The following ERLIN2 variants were observed in gnomAD, a reference collection of about 807,000 sequenced individuals.
The protein encoded by ERLIN2 is ER lipid raft associated 2.
In ERLIN2, 22 loss-of-function variants were observed where a neutral mutation model predicts 41.5. That is an observed-to-expected ratio of 0.53 (90% confidence interval 0.38 to 0.76). The LOEUF is 0.76. Ranked by LOEUF, ERLIN2 falls within the 30% of genes least tolerant of loss-of-function variation. The probability of loss-of-function intolerance (pLI) is 0.00; values close to 1 mark genes in which losing one functional copy is unlikely to be tolerated. For missense variants in ERLIN2, 247 were observed against 414.3 expected (o/e 0.60, Z 3.51); for synonymous variants, 149 against 150.9 (o/e 0.99, Z 0.09).
Position 37,741,661 on chromosome 8 carries a change from G to T in ERLIN2, c.190-111G>T, listed in dbSNP as rs1802856354. On this transcript the variant is annotated intron_variant, in intron 3 of 11. Transcript: ENST00000519638. The surrounding 1 kb of genome is among the most constrained non-coding windows in gnomAD (Gnocchi z 4.8). ...GGTGGGGTAATCATGTTTAATGAAG[G>T]CCATGCTCAACCCAAACAGTTATTC... 2.6e-5 allele frequency: 22 copies of T among 843,736 alleles called. No individual in the cohort carries two copies. In the South Asian group the frequency reaches 3.0e-4, roughly 12 times the overall value. The allele number at this position is 843,736 out of a possible 1,614,324, so 52.3% of individuals were successfully genotyped here. A position where few individuals can be genotyped will look rare whatever the true frequency, so the allele number is the denominator to read the frequency against.
intron 4 of ERLIN2, among the ~76,000 whole-genome samples, chr8:37,742,970 T>A (rs1402564598): frequency 6.6e-6 from 1 of 151,906 alleles, no homozygotes; most frequent in Non-Finnish European, 1.5e-5. Context: ...GGCAAAGAGA[T>A]CCGAAGAGAA....
chr8:37,751,371 T>C (rs770095110), intron 9 of ERLIN2, among the ~76,000 whole-genome samples: 2 of 152,240 alleles, frequency 1.3e-5, no homozygotes, highest in African/African-American at 2.4e-5. Context: ...GAATATTCCT[T>C]TGGGAGAAGT....
Position 37,741,662 on chromosome 8 carries a change from C to A in ERLIN2, c.190-110C>A. 2 of 844,896 alleles carry A rather than the reference C, an allele frequency of 2.4e-6. No individual in the cohort carries two copies. Among genetic ancestry groups the A allele is most frequent in the Non-Finnish European group, 4.1e-6 (2 of 487,606 alleles). 52.3% of individuals were successfully genotyped at this position (844,896 alleles called of 1,614,324 possible). Reference sequence around the variant, plus strand: ...GTGGGGTAATCATGTTTAATGAAGGCCATGCTCAACCCAAACAGTTATTCC... The same window carrying A: ...GTGGGGTAATCATGTTTAATGAAGGACATGCTCAACCCAAACAGTTATTCC... On this transcript the variant is annotated intron_variant, in intron 3 of 11. Transcript: ENST00000519638. This position sits in a 1 kb window ranked among gnomAD's most constrained non-coding sequence, Gnocchi z 4.8.
chr8:37,750,623 C>T lies in ERLIN2; in HGVS notation c.649+137C>T, dbSNP rs149053805. On this transcript the variant is annotated intron_variant, in intron 9 of 11. Transcript: ENST00000519638. Reference sequence around the variant, plus strand: ...ACAGCACAGGAGTGGCAGGTGGACTCCCAGAAACAAAGTTGAAATTGTCAG... The same window carrying T: ...ACAGCACAGGAGTGGCAGGTGGACTTCCAGAAACAAAGTTGAAATTGTCAG... The T allele has an allele frequency of 2.8e-3, 2,097 of 747,378 alleles. 23 individuals are homozygous for T. In the African/African-American group the frequency reaches 0.032, roughly 11 times the overall value. 46.3% of individuals were successfully genotyped at this position (747,378 alleles called of 1,614,324 possible).
chr8:37,737,665 A>C, intron 1 of ERLIN2: 1 of 502,080 alleles, frequency 2.0e-6, no homozygotes, highest in Non-Finnish European at 3.6e-6. Context: ...CCCTTGAGCA[A>C]CGGCTGTATC....
At chr8:37,750,004 G>A (rs1028799820) in intron 8 of ERLIN2, 152 bp downstream of exon 8, 29 of 747,438 alleles carry the variant, frequency 3.9e-5, no homozygotes, top group South Asian at 1.2e-4. Context: ...TTGGGCAGGC[G>A]TGTCAGGGCC....
intron 10 of ERLIN2, among the ~76,000 whole-genome samples, chr8:37,752,348 G>T (rs1046096196): frequency 6.6e-5 from 10 of 152,140 alleles, no homozygotes; most frequent in African/African-American, 2.4e-4. Flanking sequence ...GCACAACTGG[G>T]ACCTCAAGGC....
In ERLIN2 at chr8:37,747,336, T is replaced by C. The variant is rs541340306; in HGVS notation, c.425-2223T>C. On this transcript the variant is annotated intron_variant, in intron 6 of 11. Coordinates refer to ENST00000519638, the MANE Select transcript of ERLIN2 (RefSeq NM_007175.8). ...TCTAGGGCTCAGAAAAAAAGCCTGG[T>C]TATTTGAACTGGTTGTCAATCAAGG... 1.1e-5 allele frequency: 14 copies of C among 1,245,946 alleles called. No individual in the cohort carries two copies. The South Asian group carries it at 1.6e-4, about 14-fold the overall frequency. 77.2% of individuals were successfully genotyped at this position (1,245,946 alleles called of 1,614,324 possible). A position where few individuals can be genotyped will look rare whatever the true frequency, so the allele number is the denominator to read the frequency against.
At chr8:37,736,842 C>A (rs951989990) in intron 1 of ERLIN2, 164 bp downstream of exon 1, 2 of 985,768 alleles carry the variant, frequency 2.0e-6, no homozygotes, top group Non-Finnish European at 2.4e-6. Context: ...CCTCTCCTTG[C>A]GAGCCGCAGG....
intron 11 of ERLIN2, 38 bp downstream of exon 11, chr8:37,753,567 G>C: frequency 6.3e-7 from 1 of 1,575,352 alleles, no homozygotes; most frequent in Non-Finnish European, 8.7e-7. Flanking sequence ...AGGAGTCTTT[G>C]GGTCTGGGTC....
In ERLIN2 at chr8:37,744,692, G is replaced by A. The variant is rs774116062; in HGVS notation, c.420G>A (p.Leu140=). Residue 140 remains leucine, a synonymous_variant, in exon 6 of 12, where the codon CTG becomes CTA. Coordinates refer to ENST00000519638, the MANE Select transcript of ERLIN2 (RefSeq NM_007175.8). The part of the protein sequence containing the change: ...VHTLQEVYIE[L]FDQIDENLKL... ...CGCTTCAAGAGGTCTACATTGAGCT[G>A]TTTGGTAAGAAAGTCTCTCCTGAGC... 1.9e-6 allele frequency: 3 copies of A among 1,614,238 alleles called. No individual in the cohort carries two copies. Among genetic ancestry groups the A allele is most frequent in the Admixed American group, 3.3e-5 (2 of 60,024 alleles).
intron 8 of ERLIN2, 83 bp downstream of exon 8, chr8:37,749,935 C>T (rs1803180101): frequency 1.7e-6 from 2 of 1,209,712 alleles, no homozygotes; most frequent in African/African-American, 1.5e-5. Context: ...ACCAAAGCTG[C>T]CAGGCTTCTC....
At chr8:37,753,570 T>TCTGG in intron 11 of ERLIN2, 41 bp downstream of exon 11, 1 of 1,577,270 alleles carries the variant, frequency 6.3e-7, no homozygotes. Flanking sequence ...AGTCTTTGGG[T>TCTGG]CTGGGTCTGT....
At position 37,746,050 on chromosome 8, in the gene ERLIN2, G is replaced by A. The variant is rs145249246; in HGVS notation, c.424+1354G>A. On this transcript the variant is annotated intron_variant, in intron 6 of 11. Coordinates refer to ENST00000519638, the MANE Select transcript of ERLIN2 (RefSeq NM_007175.8). Reference sequence around the variant, plus strand: ...TTACAGCTAAACTTGGTAGCTTAGTGAAGTACAGCTGCTTGTATGGAGGAG... The same window carrying A: ...TTACAGCTAAACTTGGTAGCTTAGTAAAGTACAGCTGCTTGTATGGAGGAG... 56 of 1,004,910 alleles carry A rather than the reference G, an allele frequency of 5.6e-5. No homozygotes were observed. The African/African-American group carries it at 9.0e-4, about 16-fold the overall frequency. 62.2% of individuals were successfully genotyped at this position (1,004,910 alleles called of 1,614,324 possible).
At position 37,751,636 on chromosome 8, in the gene ERLIN2, A is replaced by G; in HGVS notation, c.660A>G (p.Lys220=). 1 of 1,613,086 alleles carries G rather than the reference A, an allele frequency of 6.2e-7. No individual in the cohort carries two copies. The highest frequency in any genetic ancestry group is 8.5e-7 in the Non-Finnish European group (1 of 1,179,030). ...ERKKALIEAE[K]VAQVAEITYG... ...CTATCATTTATTCAGAGGCAGAAAA[A>G]GTGGCCCAGGTGGCTGAGATCACCT... The change falls in exon 10 of 12, where the codon AAA becomes AAG. Residue 220 remains lysine, a synonymous_variant. Coordinates refer to ENST00000519638, the MANE Select transcript of ERLIN2 (RefSeq NM_007175.8).
At chr8:37,738,822 C>T (rs1298805910) in intron 2 of ERLIN2, among the ~76,000 whole-genome samples, 1 of 152,114 alleles carries the variant, frequency 6.6e-6, no homozygotes, top group Non-Finnish European at 1.5e-5. Context: ...AAGTTTGAGG[C>T]TGCAGTGAGC....
Position 37,757,731 on chromosome 8 carries a change from C to T in ERLIN2, c.*3616C>T, listed in dbSNP as rs1316569513. 6.6e-6 allele frequency: 1 copy of T among 152,122 alleles called. No homozygotes were observed. Among genetic ancestry groups the T allele is most frequent in the Non-Finnish European group, 1.5e-5 (1 of 68,016 alleles). 9.4% of individuals were successfully genotyped at this position (152,122 alleles called of 1,614,324 possible). A position where few individuals can be genotyped will look rare whatever the true frequency, so the allele number is the denominator to read the frequency against. On this transcript the variant is annotated 3_prime_UTR_variant, in exon 12 of 12. Transcript: ENST00000519638. Reference sequence around the variant, plus strand: ...ATATTAGGTGACATAAATAAAACATCCCAGACTAGTGAGTTAAGTACAAGA... The same window carrying T: ...ATATTAGGTGACATAAATAAAACATTCCAGACTAGTGAGTTAAGTACAAGA...
chr8:37,741,403 A>G lies in ERLIN2; in HGVS notation c.190-369A>G, dbSNP rs1430239825. On this transcript the variant is annotated intron_variant, in intron 3 of 11. Coordinates refer to ENST00000519638, the MANE Select transcript of ERLIN2 (RefSeq NM_007175.8). This position sits in a 1 kb window ranked among gnomAD's most constrained non-coding sequence, Gnocchi z 4.8. Reference sequence around the variant, plus strand: ...TTAAACTTTATCATAGGTATGTGTTATAGGGTTTGGTACTCTCCCCGGTTT... The same window carrying G: ...TTAAACTTTATCATAGGTATGTGTTGTAGGGTTTGGTACTCTCCCCGGTTT... Among the ~76,000 whole-genome samples, 1 of 152,210 alleles carries G rather than the reference A, an allele frequency of 6.6e-6. No homozygotes were observed. The highest frequency in any genetic ancestry group is 2.4e-5 in the African/African-American group (1 of 41,442).
At chr8:37,745,919 T>C in intron 6 of ERLIN2, 1 of 1,138,962 alleles carries the variant, frequency 8.8e-7, no homozygotes, top group African/African-American at 1.6e-5. Context: ...ACTTGTGACA[T>C]TACATGAACA....
Sources: allele counts gnomAD v4.1 joint callset (sites outside exome capture counted in the v4.1 genomes callset), GRCh38; gene constraint gnomAD v4.1.1; non-coding constraint Gnocchi (gnomAD v3.1); transcripts MANE v1.5; gene names NCBI Gene and HGNC (gene_info 2026-07-23, HGNC 2026-07-21).